Variants in STAG2 observed in about 807,000 individuals in gnomAD.
STAG2 encodes STAG2 cohesin complex component.
A neutral mutation model predicts 108.1 loss-of-function variants in STAG2; 14 were observed. The observed-to-expected ratio is 0.13, with a 90% CI of 0.09 to 0.20. The LOEUF is 0.20. Ranked by LOEUF, STAG2 falls within the 10% of genes least tolerant of loss-of-function variation. The pLI is 1.00. For synonymous variants in STAG2, 307 were observed against 302.7 expected, an observed-to-expected ratio of 1.01 and a Z score of -0.15; for missense variants, 440 against 940.9, an observed-to-expected ratio of 0.47 and a Z score of 6.96.
chrX:123,997,429 CT>C (rs2055789747), intron 1 of STAG2, among the ~76,000 whole-genome samples: 1 of 111,862 alleles, frequency 8.9e-6, no homozygotes, highest in South Asian at 3.7e-4. Flanking sequence ...TTTTCCCAAA[CT>C]GAAACTCTGG....
At chrX:124,064,444 GTTT>G (rs757340317) in intron 20 of STAG2, among the ~76,000 whole-genome samples, 2 of 96,242 alleles carry the variant, frequency 2.1e-5, no homozygotes, top group Admixed American at 1.1e-4. Context: ...AGGACATTAT[GTTT>G]TTTTTTTTTT....
At chrX:124,004,679 G>GT (rs767822825) in intron 1 of STAG2, among the ~76,000 whole-genome samples, 1 of 112,077 alleles carries the variant, frequency 8.9e-6, no homozygotes, top group South Asian at 3.7e-4. Flanking sequence ...ACAAATGTCT[G>GT]TTTTGAGTCC....
At chrX:124,024,272 C>G (rs752045009) in intron 3 of STAG2, among the ~76,000 whole-genome samples, 11 of 111,556 alleles carry the variant, frequency 9.9e-5, no homozygotes, top group Non-Finnish European at 1.7e-4. Context: ...TGATTTTCTT[C>G]AGACTTAAAG....
intron 34 of STAG2, 80 bp downstream of exon 34, chrX:124,095,529 G>A (rs1293792583): frequency 4.5e-5 from 34 of 757,826 alleles, no homozygotes; most frequent in Non-Finnish European, 6.0e-5. Context: ...GAAGACCTGG[G>A]GCAGCATACT....
At chrX:123,981,696 C>T (rs1006182944) in intron 1 of STAG2, among the ~76,000 whole-genome samples, 5 of 111,311 alleles carry the variant, frequency 4.5e-5, no homozygotes, top group Non-Finnish European at 9.4e-5. Context: ...AGTGGAATTG[C>T]TCCACAAATA....
chrX:123,996,196 T>G lies in STAG2; in HGVS notation c.-162-25171T>G, dbSNP rs140953668. ...TTTGGCCAATGCCTTCAATCATGTT[T>G]CAGTCAGTATGAGGGACTACTTATG... On this transcript the variant is annotated intron_variant, in intron 1 of 34. Transcript: ENST00000371145. Among the ~76,000 whole-genome samples the G allele has an allele frequency of 2.6e-4, 29 of 112,397 alleles. No homozygotes were observed. The East Asian group carries it at 7.2e-3, about 28-fold the overall frequency.
At chrX:124,039,502 A>G (rs1189440668) in intron 6 of STAG2, among the ~76,000 whole-genome samples, 2 of 109,943 alleles carry the variant, frequency 1.8e-5, no homozygotes, top group Non-Finnish European at 3.8e-5. Context: ...GCTGATCCTC[A>G]ATCTCCTAAA....
At chrX:123,975,313 A>T (rs1452784840) in intron 1 of STAG2, among the ~76,000 whole-genome samples, 1 of 112,283 alleles carries the variant, frequency 8.9e-6, no homozygotes, top group Non-Finnish European at 1.9e-5. Flanking sequence ...TCCACCACTC[A>T]TTCAGTCCAA....
intron 1 of STAG2, among the ~76,000 whole-genome samples, chrX:123,965,392 G>A (rs1482744482): frequency 9.0e-6 from 1 of 111,624 alleles, no homozygotes; most frequent in Non-Finnish European, 1.9e-5. Flanking sequence ...AGATTTTCAT[G>A]AAATCAAATT....
At chrX:123,966,890 A>G (rs2054118282) in intron 1 of STAG2, among the ~76,000 whole-genome samples, 1 of 111,431 alleles carries the variant, frequency 9.0e-6, no homozygotes, top group South Asian at 3.7e-4. Context: ...GAAGAGATTT[A>G]TTTATTTTTT....
chrX:124,058,888 A>G (rs2058296349), intron 15 of STAG2, among the ~76,000 whole-genome samples: 1 of 112,266 alleles, frequency 8.9e-6, no homozygotes, highest in African/African-American at 3.2e-5. Flanking sequence ...TGGATATATA[A>G]TTGGTTTTTT....
At chrX:124,013,812 A>G (rs776119780) in intron 1 of STAG2, among the ~76,000 whole-genome samples, 33 of 111,329 alleles carry the variant, frequency 3.0e-4, no homozygotes, top group African/African-American at 1.0e-3. Context: ...GGAACATGTC[A>G]GACGGGGTAG....
At chrX:123,985,742 T>A (rs1489684551) in intron 1 of STAG2, among the ~76,000 whole-genome samples, 1 of 108,773 alleles carries the variant, frequency 9.2e-6, no homozygotes, top group Non-Finnish European at 1.9e-5. Context: ...GGCTAATTTT[T>A]TTTTTTTTTA....
intron 27 of STAG2, 43 bp from the exon 28 acceptor site, chrX:124,081,337 C>A: frequency 2.2e-6 from 2 of 917,492 alleles, no homozygotes; most frequent in Non-Finnish European, 3.0e-6. Flanking sequence ...TGTTAATCTC[C>A]AGGTATTAAG....
At chrX:124,081,559 T>C in intron 28 of STAG2, 31 bp downstream of exon 28, 3 of 1,092,436 alleles carry the variant, frequency 2.7e-6, no homozygotes, top group Non-Finnish European at 3.7e-6. Context: ...TCAGCTCTCA[T>C]ATTTTTTAGT....
chrX:124,060,128 T>C (rs911274026), intron 15 of STAG2, among the ~76,000 whole-genome samples: 3 of 111,767 alleles, frequency 2.7e-5, no homozygotes, highest in Non-Finnish European at 5.7e-5. Flanking sequence ...GGGTTTGTTT[T>C]TTGTTGTTGT....
rs1328795901 is a variant in STAG2 at position 124,039,887 on chromosome X, T to A, written c.385+2264T>A. On this transcript the variant is annotated intron_variant, in intron 6 of 34. Coordinates refer to ENST00000371145, the MANE Select transcript of STAG2 (RefSeq NM_001042750.2). ...ATTCATTCCTTTTTTGGCATCAGTT[T>A]GTTTACAAATCAGGAGCTTGCTAAC... is the stretch of plus-strand genomic sequence containing the variant. 5.4e-5 allele frequency among the ~76,000 whole-genome samples: 6 copies of A among 110,413 alleles called. No individual in the cohort carries two copies. In the Admixed American group the frequency reaches 5.9e-4, roughly 11 times the overall value.
At chrX:124,075,077 A>G (rs1295143167) in intron 25 of STAG2, among the ~76,000 whole-genome samples, 1 of 111,786 alleles carries the variant, frequency 8.9e-6, no homozygotes, top group Non-Finnish European at 1.9e-5. Flanking sequence ...GTTTTAGTTT[A>G]CTAGAAGTTA....
At chrX:124,066,581 G>C in intron 23 of STAG2, 145 bp downstream of exon 23, 1 of 421,304 alleles carries the variant, frequency 2.4e-6, no homozygotes. Context: ...TGTATATTCA[G>C]TGGAGAGGAT....
Sources: gnomAD v4.1 joint callset for allele counts (sites outside exome capture counted in the v4.1 genomes callset) on GRCh38, gnomAD v4.1.1 for gene constraint, MANE v1.5 for transcripts, NCBI Gene and HGNC (gene_info 2026-07-23, HGNC 2026-07-21) for gene names.